CNBD1: variants seen among roughly 807,000 people sequenced by gnomAD.
CNBD1 encodes cyclic nucleotide binding domain containing 1, also known as cyclic nucleotide-binding domain-containing protein 1.
CNBD1 carries 71 observed loss-of-function variants against 54.4 expected under a neutral mutation model. The observed-to-expected ratio is 1.30, with a 90% confidence interval of 1.08 to 1.59. The LOEUF is 1.59. Ranked by LOEUF, CNBD1 falls within the 40% of genes most tolerant of loss-of-function variation. The probability of loss-of-function intolerance (pLI) is 0.00; values close to 1 mark genes in which losing one functional copy is unlikely to be tolerated. For missense variants in CNBD1, 659 were observed against 518.0 expected (o/e 1.27, Z -2.64); for synonymous variants, 182 against 170.7 (o/e 1.07, Z -0.51).
intron 10 of CNBD1, among the ~76,000 whole-genome samples, chr8:87,364,655 C>G (rs1810604443): frequency 6.6e-6 from 1 of 151,884 alleles, no homozygotes; most frequent in South Asian, 2.1e-4. Context: ...CCCTCCCCCT[C>G]TCTGATAGGC....
At chr8:87,304,445 A>T in intron 8 of CNBD1, among the ~76,000 whole-genome samples, 1 of 151,744 alleles carries the variant, frequency 6.6e-6, no homozygotes, top group East Asian at 1.9e-4. Flanking sequence ...ATGAGAACAC[A>T]TGGACACAGG....
chr8:87,304,416 C>G (rs1490772148), intron 8 of CNBD1, among the ~76,000 whole-genome samples: 1 of 151,668 alleles, frequency 6.6e-6, no homozygotes, highest in African/African-American at 2.4e-5. Flanking sequence ...TGTTCTCACT[C>G]ATAGGTGGGA....
intron 4 of CNBD1, among the ~76,000 whole-genome samples, chr8:87,024,504 C>T (rs1423933826): frequency 6.6e-6 from 1 of 151,594 alleles, no homozygotes; most frequent in East Asian, 2.0e-4. Flanking sequence ...CCATGCCTGG[C>T]TAATTTTTTA....
chr8:87,096,425 T>C (rs1049524478), intron 4 of CNBD1, among the ~76,000 whole-genome samples: 4 of 151,136 alleles, frequency 2.6e-5, no homozygotes, highest in African/African-American at 9.7e-5. Context: ...TAATTTAACC[T>C]TAATTACCAC....
chr8:86,966,109 G>A (rs990029863), intron 4 of CNBD1, among the ~76,000 whole-genome samples: 1 of 152,208 alleles, frequency 6.6e-6, no homozygotes, highest in Admixed American at 6.5e-5. Context: ...GCCCAGAAGA[G>A]CCATAATGAG....
chr8:87,363,954 C>A (rs1267846815), intron 10 of CNBD1, among the ~76,000 whole-genome samples: 3 of 142,390 alleles, frequency 2.1e-5, no homozygotes, highest in South Asian at 2.2e-4. Flanking sequence ...AATGGTATTG[C>A]CTAGGAAATT....
At chr8:87,164,184 G>A (rs1007347734) in intron 4 of CNBD1, among the ~76,000 whole-genome samples, 1 of 151,786 alleles carries the variant, frequency 6.6e-6, no homozygotes, top group African/African-American at 2.4e-5. Context: ...ATATGCTATT[G>A]AATATGGTTT....
rs556278685 is a variant in CNBD1, at chr8:87,239,811, AT to A, written c.771+2709del. Among the ~76,000 whole-genome samples the A allele has an allele frequency of 8.1e-3, 1,217 of 149,774 alleles. 29 individuals carry two copies. Among genetic ancestry groups the A allele is most frequent in the African/African-American group, 0.023 (942 of 40,934 alleles). On this transcript the variant is annotated intron_variant, in intron 6 of 10. Transcript: ENST00000518476. ...TGCAGTATAAATGTACAGTGAAACAATTTTTTTTTTGCTTTTCTCAACATAG... is the reference window on the plus strand; with the variant it reads ...TGCAGTATAAATGTACAGTGAAACAATTTTTTTTTGCTTTTCTCAACATAG...
At chr8:87,307,105 A>G (rs1177378957) in intron 8 of CNBD1, among the ~76,000 whole-genome samples, 1 of 152,176 alleles carries the variant, frequency 6.6e-6, no homozygotes, top group East Asian at 1.9e-4. Flanking sequence ...TTATTTTGCA[A>G]CTCAATGTTT....
At chr8:87,425,567 A>T (rs1396816008) in intron 2 of CNBD1, among the ~76,000 whole-genome samples, 1 of 152,006 alleles carries the variant, frequency 6.6e-6, no homozygotes, top group Non-Finnish European at 1.5e-5. Flanking sequence ...GGTCTGTTGG[A>T]GTACCCTGCA....
intron 4 of CNBD1, among the ~76,000 whole-genome samples, chr8:87,050,612 C>G (rs1810292054): frequency 6.6e-6 from 1 of 152,170 alleles, no homozygotes; most frequent in Admixed American, 6.5e-5. Flanking sequence ...TATTGAGAGT[C>G]AGGGTGCAAC....
At chr8:87,193,067 A>G (rs745400873) in intron 4 of CNBD1, among the ~76,000 whole-genome samples, 1 of 152,178 alleles carries the variant, frequency 6.6e-6, no homozygotes. Context: ...CAAAATAACC[A>G]CAGAAAATTC....
chr8:86,931,947 A>G (rs554729831), intron 3 of CNBD1, among the ~76,000 whole-genome samples: 1 of 152,282 alleles, frequency 6.6e-6, no homozygotes, highest in South Asian at 2.1e-4. Flanking sequence ...GTCCTTCTAG[A>G]ACACAGGTCA....
chr8:87,164,028 G>A (rs898649482), intron 4 of CNBD1, among the ~76,000 whole-genome samples: 6 of 151,762 alleles, frequency 4.0e-5, no homozygotes, highest in Admixed American at 3.3e-4. Flanking sequence ...TTTGTAAAAC[G>A]CTTTTTCAGC....
In CNBD1 at chr8:87,087,463, C is replaced by CTT. The variant is rs758497467; in HGVS notation, c.432-118513_432-118512dup. Among the ~76,000 whole-genome samples, 35 of 127,900 alleles carry CTT rather than the reference C, an allele frequency of 2.7e-4. 1 individual carries two copies. The highest frequency in any genetic ancestry group is 7.1e-4 in the African/African-American group (24 of 33,576). 83.9% of individuals were successfully genotyped at this position (127,900 alleles called of 152,430 possible). A position where few individuals can be genotyped will look rare whatever the true frequency, so the allele number is the denominator to read the frequency against. ...AGAGATTCCTCTATTGAAGTACATT[C>CTT]TTTTTTTTTTTTTTTTTTGAGTTGG... On this transcript the variant is annotated intron_variant, in intron 4 of 10. Transcript: ENST00000518476.
At chr8:87,102,941 C>T (rs1811461599) in intron 4 of CNBD1, among the ~76,000 whole-genome samples, 1 of 152,008 alleles carries the variant, frequency 6.6e-6, no homozygotes, top group African/African-American at 2.4e-5. Flanking sequence ...ATAAAAGAGA[C>T]AATATAGGGA....
At chr8:87,215,368 C>G (rs1814186819) in intron 5 of CNBD1, among the ~76,000 whole-genome samples, 1 of 152,004 alleles carries the variant, frequency 6.6e-6, no homozygotes, top group African/African-American at 2.4e-5. Flanking sequence ...GGGCGGATCA[C>G]GAGGTCAGGA....
At chr8:87,078,060 A>G (rs1306037557) in intron 4 of CNBD1, among the ~76,000 whole-genome samples, 2 of 152,130 alleles carry the variant, frequency 1.3e-5, no homozygotes, top group Admixed American at 1.3e-4. Context: ...TTAAAATTAG[A>G]CCTTCAATGT....
At chr8:87,222,738 C>A (rs1025293250) in intron 5 of CNBD1, among the ~76,000 whole-genome samples, 3 of 152,138 alleles carry the variant, frequency 2.0e-5, no homozygotes, top group South Asian at 2.1e-4. Context: ...TGGCCGTTAA[C>A]CTTTCAAAAA....
Sources: gnomAD v4.1 joint callset for allele counts (sites outside exome capture counted in the v4.1 genomes callset) on GRCh38, gnomAD v4.1.1 for gene constraint, MANE v1.5 for transcripts, NCBI Gene and HGNC (gene_info 2026-07-23, HGNC 2026-07-21) for gene names.